The following CRIM1 variants were observed in gnomAD, a reference collection of about 807,000 sequenced individuals.
CRIM1 encodes cysteine rich transmembrane BMP regulator 1.
A neutral mutation model predicts 116.4 loss-of-function variants in CRIM1; 32 were observed. The ratio of observed to expected loss-of-function variants is 0.27; its 90% CI spans 0.21 to 0.37. The LOEUF (loss-of-function observed/expected upper bound fraction) is 0.37, where lower values mean the gene tolerates loss of function less well. Among genes scored for constraint, CRIM1 ranks in the 10% least tolerant of loss-of-function variants. The pLI is 1.00. For synonymous variants in CRIM1, 590 were observed against 509.2 expected (o/e 1.16, Z -2.13); for missense variants, 1,331 against 1,354.8 (o/e 0.98, Z 0.28).
chr2:36,459,795 G>A (rs1169893931), intron 4 of CRIM1, among the ~76,000 whole-genome samples: 3 of 152,050 alleles, frequency 2.0e-5, no homozygotes, highest in African/African-American at 7.2e-5. Flanking sequence ...CATCATTGTT[G>A]CTGGAGTGTA....
intron 8 of CRIM1, among the ~76,000 whole-genome samples, chr2:36,505,947 C>T (rs879815870): frequency 2.1e-4 from 32 of 152,110 alleles, no homozygotes; most frequent in Non-Finnish European, 4.0e-4. Flanking sequence ...TATTGTTGTA[C>T]GTTTGTGTGA....
rs140172707 is a variant in CRIM1, at chr2:36,406,929, G to A, written c.505+10142G>A. 2.4e-3 allele frequency among the ~76,000 whole-genome samples: 358 copies of A among 152,166 alleles called. 3 individuals carry two copies. The highest frequency in any genetic ancestry group is 7.0e-3 in the African/African-American group (289 of 41,538). On this transcript the variant is annotated intron_variant, in intron 2 of 16. Transcript: ENST00000280527. ...CAGTTAACACTGCTTATCAAGTTTA[G>A]AAACACTAAGTCCTGGCCCCCTCGA...
chr2:36,437,201 G>A (rs1558582636), intron 2 of CRIM1, among the ~76,000 whole-genome samples: 7 of 152,052 alleles, frequency 4.6e-5, no homozygotes, highest in Admixed American at 1.3e-4. Context: ...CGGTGAAACC[G>A]TATCTGTACT....
intron 1 of CRIM1, among the ~76,000 whole-genome samples, chr2:36,394,354 C>G (rs1026349370): frequency 6.6e-6 from 1 of 152,084 alleles, no homozygotes; most frequent in African/African-American, 2.4e-5. Flanking sequence ...TCTGACTGAA[C>G]TGTAGTAAAA....
At chr2:36,387,455 T>C (rs1288843131) in intron 1 of CRIM1, among the ~76,000 whole-genome samples, 2 of 152,202 alleles carry the variant, frequency 1.3e-5, no homozygotes, top group African/African-American at 4.8e-5. Flanking sequence ...CGTTGCTTAA[T>C]CATGGCATGT....
At chr2:36,536,211 G>A (rs796330842) in intron 13 of CRIM1, among the ~76,000 whole-genome samples, 29 of 152,316 alleles carry the variant, frequency 1.9e-4, no homozygotes, top group African/African-American at 6.5e-4. Flanking sequence ...TGCCATTATG[G>A]GCTTCTCGTC....
chr2:36,394,232 A>G (rs1473603343), intron 1 of CRIM1, among the ~76,000 whole-genome samples: 2 of 152,256 alleles, frequency 1.3e-5, no homozygotes, highest in South Asian at 2.1e-4. Context: ...CATGGCTTCC[A>G]GTAGTTCAAA....
rs141387862 is a variant in CRIM1, at chr2:36,467,986, A to G, written c.991+3331A>G. Among the ~76,000 whole-genome samples, 1,458 of 152,370 alleles carry G rather than the reference A, an allele frequency of 9.6e-3. 14 individuals carry two copies. The highest frequency in any genetic ancestry group is 0.017 in the Middle Eastern group (5 of 294). ...AACTGGTTTCCTGGGATTGTTCTCAATAAAAAGCAAAGGCAAAATATTAAA... is the reference window on the plus strand; with the variant it reads ...AACTGGTTTCCTGGGATTGTTCTCAGTAAAAAGCAAAGGCAAAATATTAAA... On this transcript the variant is annotated intron_variant, in intron 5 of 16. Transcript: ENST00000280527.
intron 1 of CRIM1, among the ~76,000 whole-genome samples, chr2:36,365,337 G>C (rs1669519166): frequency 6.6e-6 from 1 of 152,170 alleles, no homozygotes; most frequent in African/African-American, 2.4e-5. Flanking sequence ...TCCTTTTATT[G>C]TTAGAACTTT....
intron 8 of CRIM1, among the ~76,000 whole-genome samples, chr2:36,506,660 C>G (rs935825483): frequency 3.3e-5 from 5 of 152,094 alleles, no homozygotes; most frequent in Non-Finnish European, 7.3e-5. Context: ...ATCACTTTCT[C>G]TTCAATCGTA....
In CRIM1 at chr2:36,355,876, G is replaced by C. The variant is rs1668763297; in HGVS notation, c.-417G>C. ...CTCGGGAGGCGGGGACCGGCCCGGA[G>C]GCTGCGCCGCTGCGGGGCCGGCCGA... On this transcript the variant is annotated 5_prime_UTR_variant, in exon 1 of 17. Coordinates refer to ENST00000280527, the MANE Select transcript of CRIM1 (RefSeq NM_016441.3). The C allele has an allele frequency of 6.6e-6, 1 of 151,544 alleles. No individual in the cohort carries two copies. The highest frequency in any genetic ancestry group is 1.5e-5 in the Non-Finnish European group (1 of 67,842). 9.4% of individuals were successfully genotyped at this position (151,544 alleles called of 1,614,324 possible). A position where few individuals can be genotyped will look rare whatever the true frequency, so the allele number is the denominator to read the frequency against.
At chr2:36,464,324 T>C (rs1022672518) in intron 4 of CRIM1, among the ~76,000 whole-genome samples, 1 of 152,132 alleles carries the variant, frequency 6.6e-6, no homozygotes, top group Non-Finnish European at 1.5e-5. Context: ...AAAATTGGGG[T>C]GTACATAAAG....
Position 36,550,261 on chromosome 2 carries a change from G to T in CRIM1, c.*1560G>T, listed in dbSNP as rs1667673913. 3 of 146,726 alleles carry T rather than the reference G, an allele frequency of 2.0e-5. No homozygotes were observed. Among genetic ancestry groups the T allele is most frequent in the Admixed American group, 6.8e-5 (1 of 14,784 alleles). The allele number at this position is 146,726 out of a possible 1,614,324, so 9.1% of individuals were successfully genotyped here. On this transcript the variant is annotated 3_prime_UTR_variant, in exon 17 of 17. Coordinates refer to ENST00000280527, the MANE Select transcript of CRIM1 (RefSeq NM_016441.3). ...TTTTTTTTTTTTTTTTTCAAACAATGGTTTGAAACAACTACTGGAATATTG... is the reference window on the plus strand; with the variant it reads ...TTTTTTTTTTTTTTTTTCAAACAATTGTTTGAAACAACTACTGGAATATTG...
intron 1 of CRIM1, among the ~76,000 whole-genome samples, chr2:36,359,812 C>T (rs1375949423): frequency 1.3e-5 from 2 of 152,196 alleles, no homozygotes; most frequent in Admixed American, 1.3e-4. Context: ...GTTTTTCCTA[C>T]TTTCTGTCAG....
At chr2:36,462,989 C>T (rs541431030) in intron 4 of CRIM1, among the ~76,000 whole-genome samples, 7 of 152,158 alleles carry the variant, frequency 4.6e-5, no homozygotes, top group African/African-American at 1.7e-4. Flanking sequence ...GCTCCAAGCT[C>T]TACTCACACA....
chr2:36,544,817 C>T (rs532608049), intron 15 of CRIM1, among the ~76,000 whole-genome samples: 2 of 152,160 alleles, frequency 1.3e-5, no homozygotes, highest in Non-Finnish European at 2.9e-5. Context: ...ATCTCTCAAA[C>T]GTATGTATAT....
chr2:36,361,186 C>T (rs925687946), intron 1 of CRIM1, among the ~76,000 whole-genome samples: 7 of 152,266 alleles, frequency 4.6e-5, no homozygotes, highest in Admixed American at 1.3e-4. Context: ...TGGCAAAGGG[C>T]AGATGGATTG....
intron 6 of CRIM1, among the ~76,000 whole-genome samples, chr2:36,477,287 C>T (rs1428042565): frequency 6.6e-6 from 1 of 152,080 alleles, no homozygotes; most frequent in Non-Finnish European, 1.5e-5. Context: ...TGGGTGTAGA[C>T]AATGGGTCAC....
intron 2 of CRIM1, among the ~76,000 whole-genome samples, chr2:36,411,081 A>T (rs1572671092): frequency 6.6e-6 from 1 of 152,208 alleles, no homozygotes; most frequent in East Asian, 1.9e-4. Context: ...AGTGACATTT[A>T]TCTCTGTGGT....
Sources: gnomAD v4.1 joint callset for allele counts (sites outside exome capture counted in the v4.1 genomes callset) on GRCh38, gnomAD v4.1.1 for gene constraint, MANE v1.5 for transcripts, NCBI Gene and HGNC (gene_info 2026-07-23, HGNC 2026-07-21) for gene names.